The following SCN4B variants were observed in gnomAD, a reference collection of about 807,000 sequenced individuals.
SCN4B encodes the protein sodium channel regulatory subunit beta-4.
Under a neutral mutation model 19.6 loss-of-function variants are expected in SCN4B, and 20 were observed. The observed-to-expected ratio is 1.02, with a 90% CI of 0.72 to 1.48. The LOEUF is 1.48. Ranked by LOEUF, SCN4B falls within the 40% of genes most tolerant of loss-of-function variation. The pLI, the probability that SCN4B is intolerant of heterozygous loss-of-function variation, is 0.00. For synonymous variants in SCN4B, 127 were observed against 122.8 expected, an observed-to-expected ratio of 1.03 and a Z score of -0.22; for missense variants, 271 against 287.5, an observed-to-expected ratio of 0.94 and a Z score of 0.42.
In SCN4B at chr11:118,139,653, T is replaced by A. The variant is rs1224940979; in HGVS notation, c.593+1554A>T. Among the ~76,000 whole-genome samples the A allele has an allele frequency of 2.0e-5, 3 of 152,190 alleles. No homozygotes were observed. In the South Asian group the frequency reaches 6.2e-4, roughly 31 times the overall value. ...AATGGTTTAAGCTTTGAAGCCAAAT[T>A]AGTCACAGTTCAAATCCCAGCTCTA... On this transcript the variant is annotated intron_variant, in intron 4 of 4. Transcript: ENST00000324727.
Position 118,136,417 on chromosome 11 carries a change from AG to A in SCN4B, c.*609del. 2.2e-6 allele frequency: 1 copy of A among 453,812 alleles called. No homozygotes were observed. The highest frequency in any genetic ancestry group is 1.6e-5 in the South Asian group (1 of 64,470). 28.1% of individuals were successfully genotyped at this position (453,812 alleles called of 1,614,324 possible). ...TTGAGAGGGCTTAAAAACTCTGAGC[AG>A]GGGAGGGGATAGGCAGATAGGGTCC... On this transcript the variant is annotated 3_prime_UTR_variant, in exon 5 of 5. Transcript: ENST00000324727.
At chr11:118,143,434 A>C (rs1948125592) in intron 3 of SCN4B, among the ~76,000 whole-genome samples, 1 of 152,162 alleles carries the variant, frequency 6.6e-6, no homozygotes, top group East Asian at 1.9e-4. Flanking sequence ...GTAATGTATC[A>C]CTCATAGCAC....
intron 4 of SCN4B, among the ~76,000 whole-genome samples, chr11:118,139,888 C>CTTTTTTTTTTT (rs5795120): frequency 7.2e-6 from 1 of 139,734 alleles, no homozygotes; most frequent in African/African-American, 2.7e-5. Flanking sequence ...TCTAGCATTC[C>CTTTTTTTTTTT]TTTTTTTTTT....
In SCN4B at chr11:118,148,155, A is replaced by G. The variant is rs1299928707; in HGVS notation, c.62-2926T>C. ...ATTTCCTCAGTAGCTGGGAGGGGAA[A>G]ATGAAAACCGGCAGAAATGGTTTCA... On this transcript the variant is annotated intron_variant, in intron 1 of 4. Coordinates refer to ENST00000324727, the MANE Select transcript of SCN4B (RefSeq NM_174934.4). The surrounding 1 kb of genome is among the most constrained non-coding windows in gnomAD (Gnocchi z 4.0). Among the ~76,000 whole-genome samples the G allele has an allele frequency of 6.6e-6, 1 of 152,200 alleles. No individual in the cohort carries two copies. The highest frequency in any genetic ancestry group is 1.5e-5 in the Non-Finnish European group (1 of 68,046).
chr11:118,152,252 T>G (rs762279543), intron 1 of SCN4B, among the ~76,000 whole-genome samples: 4 of 152,070 alleles, frequency 2.6e-5, no homozygotes, highest in Non-Finnish European at 5.9e-5. Context: ...GCAACCCACC[T>G]GGTATCCCCT....
chr11:118,137,417 TC>T (rs1948031046), intron 4 of SCN4B, among the ~76,000 whole-genome samples: 1 of 152,184 alleles, frequency 6.6e-6, no homozygotes, highest in African/African-American at 2.4e-5. Context: ...ACACCTGTAA[TC>T]CCAGCACTTT....
At chr11:118,152,144 G>A (rs1461151592) in intron 1 of SCN4B, among the ~76,000 whole-genome samples, 1 of 152,172 alleles carries the variant, frequency 6.6e-6, no homozygotes, top group East Asian at 1.9e-4. Flanking sequence ...CAGGAAGAAG[G>A]GGACTCCCCC....
chr11:118,144,356 A>G (rs1385325399), intron 2 of SCN4B, among the ~76,000 whole-genome samples: 1 of 151,792 alleles, frequency 6.6e-6, no homozygotes, highest in Non-Finnish European at 1.5e-5. Flanking sequence ...TTACCTAATG[A>G]CTCCTGCAAG....
At chr11:118,151,062 G>A (rs1413311708) in intron 1 of SCN4B, among the ~76,000 whole-genome samples, 1 of 152,140 alleles carries the variant, frequency 6.6e-6, no homozygotes, top group Non-Finnish European at 1.5e-5. Context: ...CTTGGAGAAG[G>A]TGGGGCTTCC....
rs1313324843 is a variant in SCN4B at position 118,134,296 on chromosome 11, T to C, written c.*2731A>G. On this transcript the variant is annotated 3_prime_UTR_variant, in exon 5 of 5. Transcript: ENST00000324727. ...GCTGACATCACTCAGCCCAGCTGCA[T>C]GTGGCCAGGTCTCTCAAGATCGACT... The C allele has an allele frequency of 2.2e-6, 1 of 454,054 alleles. No individual in the cohort carries two copies. Among genetic ancestry groups the C allele is most frequent in the Non-Finnish European group, 4.4e-6 (1 of 226,818 alleles). 28.1% of individuals were successfully genotyped at this position (454,054 alleles called of 1,614,324 possible). A position where few individuals can be genotyped will look rare whatever the true frequency, so the allele number is the denominator to read the frequency against.
rs985094554 is a variant in SCN4B at position 118,152,809 on chromosome 11, T to C, written c.-136A>G. 4 of 588,626 alleles carry C rather than the reference T, an allele frequency of 6.8e-6. No homozygotes were observed. Among genetic ancestry groups the C allele is most frequent in the Non-Finnish European group, 1.1e-5 (4 of 352,608 alleles). The allele number at this position is 588,626 out of a possible 1,614,324, so 36.5% of individuals were successfully genotyped here. A position where few individuals can be genotyped will look rare whatever the true frequency, so the allele number is the denominator to read the frequency against. On this transcript the variant is annotated 5_prime_UTR_variant, in exon 1 of 5. Coordinates refer to ENST00000324727, the MANE Select transcript of SCN4B (RefSeq NM_174934.4). ...GCCGCCGGTCGGGGCTCGGGAAAGT[T>C]AGCGGGCAGAGAGCGAGAGGAGGGG...
Position 118,148,773 on chromosome 11 carries a change from A to G in SCN4B, c.62-3544T>C, listed in dbSNP as rs1948207724. ...CCAGGCCATTCCCACATTGATCTGT[A>G]TTTTCACCCTCTACCACTTCTTGGC... On this transcript the variant is annotated intron_variant, in intron 1 of 4. Coordinates refer to ENST00000324727, the MANE Select transcript of SCN4B (RefSeq NM_174934.4). The surrounding 1 kb of genome is among the most constrained non-coding windows in gnomAD (Gnocchi z 4.0). Among the ~76,000 whole-genome samples the G allele has an allele frequency of 6.6e-6, 1 of 152,034 alleles. No homozygotes were observed. Among genetic ancestry groups the G allele is most frequent in the Non-Finnish European group, 1.5e-5 (1 of 68,000 alleles).
In SCN4B at chr11:118,136,909, C is replaced by A. The variant is rs1369165427; in HGVS notation, c.*118G>T. ...CTCTGGTTTCTTGTGCCCGGAAAGA[C>A]TACAGTTTGAGCCAAGCAGCAGATG... is the stretch of plus-strand genomic sequence containing the variant. On this transcript the variant is annotated 3_prime_UTR_variant, in exon 5 of 5. Transcript: ENST00000324727. 1.5e-5 allele frequency: 11 copies of A among 754,194 alleles called. No homozygotes were observed. Among genetic ancestry groups the A allele is most frequent in the African/African-American group, 1.4e-4 (8 of 57,868 alleles). The allele number at this position is 754,194 out of a possible 1,614,324, so 46.7% of individuals were successfully genotyped here. A position where few individuals can be genotyped will look rare whatever the true frequency, so the allele number is the denominator to read the frequency against.
chr11:118,144,980 C>A, intron 2 of SCN4B, 77 bp downstream of exon 2: 1 of 1,454,988 alleles, frequency 6.9e-7, no homozygotes, highest in Non-Finnish European at 9.6e-7. Context: ...GGTCTCAGTC[C>A]AGAAGGGACC....
rs1947950614 is a variant in SCN4B at position 118,133,763 on chromosome 11, C to T, written c.*3264G>A. On this transcript the variant is annotated 3_prime_UTR_variant, in exon 5 of 5. Coordinates refer to ENST00000324727, the MANE Select transcript of SCN4B (RefSeq NM_174934.4). ...GAGAAGTCCCCGCTCCTGGAACTCC[C>T]TACTGCCAGCCCTCTGATGGCAGCT... 2.2e-6 allele frequency: 1 copy of T among 454,550 alleles called. No homozygotes were observed. Among genetic ancestry groups the T allele is most frequent in the Non-Finnish European group, 4.4e-6 (1 of 226,792 alleles). 28.2% of individuals were successfully genotyped at this position (454,550 alleles called of 1,614,324 possible).
rs1168885078 is a variant in SCN4B at position 118,135,018 on chromosome 11, G to T, written c.*2009C>A. The T allele has an allele frequency of 4.4e-6, 2 of 453,996 alleles. No individual in the cohort carries two copies. The highest frequency in any genetic ancestry group is 4.7e-5 in the Admixed American group (2 of 42,556). The allele number at this position is 453,996 out of a possible 1,614,324, so 28.1% of individuals were successfully genotyped here. On this transcript the variant is annotated 3_prime_UTR_variant, in exon 5 of 5. Coordinates refer to ENST00000324727, the MANE Select transcript of SCN4B (RefSeq NM_174934.4). ...CGTGCCTTGGCTTTCTCTTAAGACAGAAGGAGGAGCCCCAAGGTGCTCTGC... is the reference window on the plus strand; with the variant it reads ...CGTGCCTTGGCTTTCTCTTAAGACATAAGGAGGAGCCCCAAGGTGCTCTGC...
At chr11:118,151,903 G>T (rs1948236190) in intron 1 of SCN4B, among the ~76,000 whole-genome samples, 1 of 152,174 alleles carries the variant, frequency 6.6e-6, no homozygotes, top group South Asian at 2.1e-4. Context: ...GTGTCCTCTG[G>T]ACATGTCTTC....
At chr11:118,137,141 G>C (rs2135497780) in intron 4 of SCN4B, 21 bp from the exon 5 acceptor site, 2 of 1,565,356 alleles carry the variant, frequency 1.3e-6, no homozygotes, top group South Asian at 1.1e-5. Context: ...AGAGAGAAGG[G>C]ACAGTGGTGA....
chr11:118,136,066 T>C lies in SCN4B; in HGVS notation c.*961A>G, dbSNP rs561492722. The C allele has an allele frequency of 3.9e-4, 162 of 418,988 alleles. 1 individual carries two copies. The highest frequency in any genetic ancestry group is 2.3e-3 in the Middle Eastern group (3 of 1,330). The allele number at this position is 418,988 out of a possible 1,614,324, so 26.0% of individuals were successfully genotyped here. On this transcript the variant is annotated 3_prime_UTR_variant, in exon 5 of 5. Transcript: ENST00000324727. The stretch of plus-strand genomic sequence containing the variant: ...GGGGGGGGAGCGAGCCAATGGGAGG[T>C]TGGAGGGTGCAGCCTCTCAGGTAGG...
Sources: gnomAD v4.1 joint callset for allele counts (sites outside exome capture counted in the v4.1 genomes callset) on GRCh38, gnomAD v4.1.1 for gene constraint, Gnocchi (gnomAD v3.1) non-coding constraint, MANE v1.5 for transcripts, NCBI Gene and HGNC (gene_info 2026-07-23, HGNC 2026-07-21) for gene names.